The following XRRA1 variants were observed in gnomAD, a reference collection of about 807,000 sequenced individuals.
XRRA1 encodes X-ray radiation resistance-associated protein 1.
A neutral mutation model predicts 80.2 loss-of-function variants in XRRA1; 69 were observed. The ratio of observed to expected loss-of-function variants is 0.86; its 90% CI spans 0.71 to 1.05. The LOEUF (loss-of-function observed/expected upper bound fraction) is 1.05, where lower values mean the gene tolerates loss of function less well. Among genes scored for constraint, XRRA1 ranks in the 50% least tolerant of loss-of-function variants. XRRA1 has a pLI of 0.00. For synonymous variants in XRRA1, 348 were observed against 389.9 expected, an observed-to-expected ratio of 0.89 and a Z score of 1.27; for missense variants, 967 against 976.4, an observed-to-expected ratio of 0.99 and a Z score of 0.13.
At chr11:74,930,215 T>C (rs1410631952) in intron 6 of XRRA1, 85 bp downstream of exon 6, 23 of 1,149,100 alleles carry the variant, frequency 2.0e-5, no homozygotes, top group African/African-American at 6.2e-5. Flanking sequence ...CAATCATAGA[T>C]GGTTGGACAG....
chr11:74,866,778 T>C (rs560831437), intron 10 of XRRA1, among the ~76,000 whole-genome samples: 15 of 151,398 alleles, frequency 9.9e-5, no homozygotes, highest in African/African-American at 2.9e-4. Context: ...TCAAAGATTA[T>C]ATGAAAATAT....
Position 74,927,494 on chromosome 11 carries a change from T to C in XRRA1, c.425-6A>G. 6.3e-7 allele frequency: 1 copy of C among 1,586,464 alleles called. No homozygotes were observed. On this transcript the variant is annotated splice_region_variant and splice_polypyrimidine_tract_variant and intron_variant, in intron 6 of 18. Coordinates refer to ENST00000684022, the MANE Select transcript of XRRA1 (RefSeq NM_001378157.1). ...TGGAAACGTGTGAAATGCCTCTACA[T>C]GGGGAAGAGAAAGAGAGAGTCTGCA...
At chr11:74,870,352 G>T (rs2044490177) in intron 10 of XRRA1, among the ~76,000 whole-genome samples, 1 of 152,158 alleles carries the variant, frequency 6.6e-6, no homozygotes. Flanking sequence ...GAAGGCTTCT[G>T]GATTAACCTC....
chr11:74,946,217 A>G (rs1485320413), intron 1 of XRRA1, among the ~76,000 whole-genome samples: 1 of 152,204 alleles, frequency 6.6e-6, no homozygotes, highest in Non-Finnish European at 1.5e-5. Context: ...TGTTGGGATT[A>G]CAGGCGTGAA....
intron 10 of XRRA1, among the ~76,000 whole-genome samples, chr11:74,889,144 C>G (rs921146700): frequency 2.0e-5 from 3 of 152,108 alleles, no homozygotes; most frequent in African/African-American, 4.8e-5. Context: ...ATGTTAGGGG[C>G]AGCCAGAGAG....
At chr11:74,916,706 T>C (rs1938832285) in intron 8 of XRRA1, among the ~76,000 whole-genome samples, 2 of 152,168 alleles carry the variant, frequency 1.3e-5, no homozygotes, top group Admixed American at 1.3e-4. Context: ...ATTTTTCTGT[T>C]TCTTTGTATG....
intron 10 of XRRA1, among the ~76,000 whole-genome samples, chr11:74,880,691 C>T (rs2047318755): frequency 6.7e-6 from 1 of 149,738 alleles, no homozygotes; most frequent in South Asian, 2.1e-4. Context: ...CAAAGAACAT[C>T]TTTATTTCTG....
chr11:74,886,681 C>T (rs924272558), intron 10 of XRRA1, among the ~76,000 whole-genome samples: 1 of 152,098 alleles, frequency 6.6e-6, no homozygotes, highest in Non-Finnish European at 1.5e-5. Flanking sequence ...ATCAAACTAC[C>T]AATGCCATTC....
intron 8 of XRRA1, among the ~76,000 whole-genome samples, chr11:74,914,709 T>A (rs1215205493): frequency 3.0e-5 from 1 of 33,114 alleles, no homozygotes; most frequent in African/African-American, 1.1e-4. Flanking sequence ...GCAGATAACC[T>A]TTTTTTTTTT....
intron 10 of XRRA1, among the ~76,000 whole-genome samples, chr11:74,879,825 A>G (rs917320726): frequency 2.9e-4 from 43 of 150,790 alleles, no homozygotes; most frequent in African/African-American, 1.1e-3. Flanking sequence ...CCACTTGATC[A>G]TGGTGGATAA....
At chr11:74,905,205 T>G (rs1168013233) in intron 10 of XRRA1, among the ~76,000 whole-genome samples, 1 of 152,074 alleles carries the variant, frequency 6.6e-6, no homozygotes, top group Non-Finnish European at 1.5e-5. Context: ...ACCCAGCTAA[T>G]TTTTTAATTT....
chr11:74,944,741 G>C (rs576759094), intron 2 of XRRA1, among the ~76,000 whole-genome samples: 26 of 152,246 alleles, frequency 1.7e-4, no homozygotes, highest in African/African-American at 6.3e-4. Flanking sequence ...TAGAGCCTAC[G>C]ACTCACTAAA....
In XRRA1 at chr11:74,883,032, G is replaced by A. The variant is rs993971873; in HGVS notation, c.1004-20011C>T. ...GGCAGGCCTCCTTGAGCTGTGGTGG[G>A]CTCCACCCAGTTCGAGCTTCCCGGC... On this transcript the variant is annotated intron_variant, in intron 10 of 18. Coordinates refer to ENST00000684022, the MANE Select transcript of XRRA1 (RefSeq NM_001378157.1). Among the ~76,000 whole-genome samples the A allele has an allele frequency of 6.4e-3, 974 of 152,314 alleles. 12 individuals are homozygous for A. The highest frequency in any genetic ancestry group is 0.022 in the African/African-American group (914 of 41,556).
rs1273923682 is a variant in XRRA1, at chr11:74,848,300, TG to T, written c.1542del (p.Thr515LeufsTer35). The T allele has an allele frequency of 3.1e-6, 5 of 1,613,902 alleles. No homozygotes were observed. Among genetic ancestry groups the T allele is most frequent in the Non-Finnish European group, 4.2e-6 (5 of 1,179,842 alleles). On this transcript the variant is annotated frameshift_variant, in exon 15 of 19. Coordinates refer to ENST00000684022, the MANE Select transcript of XRRA1 (RefSeq NM_001378157.1). LOFTEE classifies it high-confidence loss of function. ...TKSTSVESEM[P>X]TENLEGHSPS... ...GGGGAATGGCCTTCCAGGTTCTCAG[TG>T]GGCATCTCTGACTCCACAGAAGTGC...
chr11:74,888,632 G>T (rs189946107), intron 10 of XRRA1, among the ~76,000 whole-genome samples: 169 of 152,338 alleles, frequency 1.1e-3, no homozygotes, highest in Non-Finnish European at 2.1e-3. Context: ...GCTAAAGGAG[G>T]AAGTTCGAAC....
At chr11:74,907,304 A>G in intron 8 of XRRA1, 31 bp from the exon 9 acceptor site, 1 of 1,612,616 alleles carries the variant, frequency 6.2e-7, no homozygotes, top group Non-Finnish European at 8.5e-7. Flanking sequence ...GGTAATGAGC[A>G]AGGTCGAGGG....
chr11:74,874,944 TC>T (rs1416465693), intron 10 of XRRA1, among the ~76,000 whole-genome samples: 1 of 152,096 alleles, frequency 6.6e-6, no homozygotes, highest in South Asian at 2.1e-4. Flanking sequence ...TGCACCCCTC[TC>T]CCCAGGCACA....
chr11:74,918,283 A>G (rs74885177), intron 8 of XRRA1, among the ~76,000 whole-genome samples: 4,233 of 143,472 alleles, frequency 0.03, 184 homozygotes, highest in African/African-American at 0.1. Context: ...TTTCGTGTGC[A>G]TTTTCTTCCT....
At chr11:74,931,303 T>C (rs1010935901) in intron 5 of XRRA1, among the ~76,000 whole-genome samples, 1 of 152,098 alleles carries the variant, frequency 6.6e-6, no homozygotes, top group Non-Finnish European at 1.5e-5. Flanking sequence ...TTTACATATG[T>C]TGACAGTTGT....
Sources: gnomAD v4.1 joint callset for allele counts (sites outside exome capture counted in the v4.1 genomes callset) on GRCh38, gnomAD v4.1.1 for gene constraint, MANE v1.5 for transcripts, NCBI Gene and HGNC (gene_info 2026-07-23, HGNC 2026-07-21) for gene names.